Variants in DERL2 observed in about 807,000 individuals in gnomAD.
The protein encoded by DERL2 is derlin-2.
A neutral mutation model predicts 32.0 loss-of-function variants in DERL2; 13 were observed. The observed-to-expected ratio is 0.41, with a 90% confidence interval of 0.26 to 0.65. The LOEUF is 0.65. Ranked by LOEUF, DERL2 falls within the 30% of genes least tolerant of loss-of-function variation. The pLI is 0.35. For missense variants in DERL2, 208 were observed against 296.3 expected (o/e 0.70, Z 2.19); for synonymous variants, 111 against 104.7 (o/e 1.06, Z -0.37).
At chr17:5,480,205 C>T in intron 5 of DERL2, 61 bp from the exon 6 acceptor site, 2 of 1,286,280 alleles carry the variant, frequency 1.6e-6, no homozygotes, top group Non-Finnish European at 2.2e-6. Context: ...GCAGGTAGAC[C>T]TACCAACACA....
rs117294216 is a variant in DERL2, at chr17:5,478,362, G to A, written c.614+1692C>T. 3.5e-3 allele frequency among the ~76,000 whole-genome samples: 528 copies of A among 152,298 alleles called. 3 individuals carry two copies. The highest frequency in any genetic ancestry group is 0.026 in the East Asian group (133 of 5,180). On this transcript the variant is annotated intron_variant, in intron 6 of 6. Coordinates refer to ENST00000158771, the MANE Select transcript of DERL2 (RefSeq NM_016041.5). ...TGCACTCCAGCCTGGGCAATGGAGT[G>A]AGACCTGTACTGCATATGTAATTTC...
At chr17:5,479,974 AG>A in intron 6 of DERL2, 79 bp downstream of exon 6, 1 of 841,958 alleles carries the variant, frequency 1.2e-6, no homozygotes, top group Non-Finnish European at 2.0e-6. Context: ...ACTAGGAGCT[AG>A]GGGAGCCAAA....
intron 1 of DERL2, chr17:5,485,757 T>C (rs1906188523): frequency 3.1e-6 from 1 of 323,086 alleles, no homozygotes; most frequent in Non-Finnish European, 5.6e-6. Flanking sequence ...CTAGTCACCA[T>C]GGTACCACCT....
chr17:5,480,369 T>C lies in DERL2; in HGVS notation c.523+18A>G, dbSNP rs2151705000. 1 of 1,585,798 alleles carries C rather than the reference T, an allele frequency of 6.3e-7. No homozygotes were observed. Among genetic ancestry groups the C allele is most frequent in the South Asian group, 1.2e-5 (1 of 85,534 alleles). On this transcript the variant is annotated intron_variant, in intron 5 of 6. Transcript: ENST00000158771. The stretch of plus-strand genomic sequence containing the variant: ...TTTACAGGTAAAATAATTTAAAAAA[T>C]AGTGAGAAGAGCCTTACCCAAAAGG...
upstream of DERL2, chr17:5,486,181 C>G (rs567038866): frequency 5.0e-6 from 5 of 995,102 alleles, no homozygotes; most frequent in Non-Finnish European, 7.0e-6. Context: ...CGTCGCCTGC[C>G]CCACCCCCCA....
At chr17:5,476,289 AAC>A (rs1238182104) in intron 6 of DERL2, among the ~76,000 whole-genome samples, 1 of 152,226 alleles carries the variant, frequency 6.6e-6, no homozygotes, top group Non-Finnish European at 1.5e-5. Flanking sequence ...TGTATCTGAA[AAC>A]TTCTGATTTA....
At chr17:5,482,761 A>G in intron 3 of DERL2, 48 bp downstream of exon 3, 1 of 1,071,446 alleles carries the variant, frequency 9.3e-7, no homozygotes, top group Non-Finnish European at 1.4e-6. Context: ...TTAATTTTTT[A>G]CTTCCTAAGA....
At chr17:5,486,234 G>A, upstream of DERL2, 2 of 1,362,902 alleles carry the variant, frequency 1.5e-6, no homozygotes, top group Non-Finnish European at 9.9e-7. Flanking sequence ...CGGCGGCGGG[G>A]CGGGCCCAAA....
chr17:5,486,026 T>C (rs1180446831), intron 1 of DERL2, 43 bp downstream of exon 1: 1 of 1,576,466 alleles, frequency 6.3e-7, no homozygotes, highest in Non-Finnish European at 8.7e-7. Context: ...GACCCAGTCA[T>C]ATCCAGCCCA....
chr17:5,482,662 C>G (rs953285180), intron 3 of DERL2, 147 bp downstream of exon 3: 5 of 554,940 alleles, frequency 9.0e-6, no homozygotes, highest in Non-Finnish European at 1.6e-5. Flanking sequence ...CAAAACATTA[C>G]TACCTAAGCA....
At chr17:5,476,116 A>G (rs1265101110) in intron 6 of DERL2, among the ~76,000 whole-genome samples, 3 of 152,214 alleles carry the variant, frequency 2.0e-5, no homozygotes, top group African/African-American at 7.2e-5. Context: ...CCCAAGAAAA[A>G]TTACTGCAGA....
Position 5,481,254 on chromosome 17 carries a change from G to A in DERL2, c.327+42C>T. On this transcript the variant is annotated intron_variant, in intron 4 of 6. Transcript: ENST00000158771. The surrounding 1 kb of genome is among the most constrained non-coding windows in gnomAD (Gnocchi z 4.4). Reference sequence around the variant, plus strand: ...GATGACAAGCTTTAGGAAGAGCCAGGGTGTTCTTCAACATTTTCCCGTGTT... The same window carrying A: ...GATGACAAGCTTTAGGAAGAGCCAGAGTGTTCTTCAACATTTTCCCGTGTT... 7.2e-7 allele frequency: 1 copy of A among 1,380,648 alleles called. No individual in the cohort carries two copies. Among genetic ancestry groups the A allele is most frequent in the Non-Finnish European group, 1.0e-6 (1 of 966,850 alleles). The allele number at this position is 1,380,648 out of a possible 1,614,324, so 85.5% of individuals were successfully genotyped here.
rs769852029 is a variant in DERL2 at position 5,480,475 on chromosome 17, G to A, written c.435C>T (p.Gly145=). Residue 145 remains glycine, a synonymous_variant, in exon 5 of 7, where the codon GGC becomes GGT. Transcript: ENST00000158771. The part of the protein sequence containing the change: ...RNPYVRMNFF[G]LLNFQAPFLP... ...GAAAGGGGGCCTGGAAGTTGAGAAG[G>A]CCGAAGAAGTTCATGCGGACATAGG... 5 of 1,612,770 alleles carry A rather than the reference G, an allele frequency of 3.1e-6. No individual in the cohort carries two copies. The highest frequency in any genetic ancestry group is 1.1e-5 in the South Asian group (1 of 90,818).
rs1905117231 is a variant in DERL2 at position 5,471,291 on chromosome 17, C to T, written c.*3393G>A. The T allele has an allele frequency of 6.6e-6, 1 of 152,240 alleles. No individual in the cohort carries two copies. Among genetic ancestry groups the T allele is most frequent in the African/African-American group, 2.4e-5 (1 of 41,456 alleles). 9.4% of individuals were successfully genotyped at this position (152,240 alleles called of 1,614,324 possible). The stretch of plus-strand genomic sequence containing the variant: ...TAAACAAAGGTATTTATTCAGCACC[C>T]ATGTGCCAAGCACTGTGCTAGGCAC... On this transcript the variant is annotated 3_prime_UTR_variant, in exon 7 of 7. Coordinates refer to ENST00000158771, the MANE Select transcript of DERL2 (RefSeq NM_016041.5).
rs1905667642 is a variant in DERL2 at position 5,480,061 on chromosome 17, A to G, written c.607T>C (p.Ser203Pro). Reference protein sequence around the residue: ...PGGIRILKTPSILKAIFDTPD... With the variant: ...PGGIRILKTPPILKAIFDTPD... Reference sequence around the variant, plus strand: ...CTGGTGTTAAATACTCACAAAATAGATGGTGTTTTCAGAATTCTTATTCCA... The same window carrying G: ...CTGGTGTTAAATACTCACAAAATAGGTGGTGTTTTCAGAATTCTTATTCCA... Residue 203 changes from serine (S) to proline (P), a missense_variant, in exon 6 of 7, where the codon TCT becomes CCT. Physicochemically the swap from Ser to Pro is moderately conservative, Grantham distance 74 (BLOSUM62 -1). Around this residue, in one of 3 missense-constraint regions of DERL2, gnomAD observed 124 missense variants for 215.3 expected, o/e 0.58. Transcript: ENST00000158771. The G allele has an allele frequency of 6.3e-7, 1 of 1,593,392 alleles. No individual in the cohort carries two copies. Among genetic ancestry groups the G allele is most frequent in the Non-Finnish European group, 8.6e-7 (1 of 1,162,806 alleles).
In DERL2 at chr17:5,481,313, C is replaced by T; in HGVS notation, c.310G>A (p.Gly104Ser). The change falls in exon 4 of 7, where the codon GGT becomes AGT. Residue 104 changes from glycine (G) to serine (S), a missense_variant. Gly to Ser is a moderately conservative substitution (Grantham distance 56). This residue lies in a region of DERL2 where 124 missense variants were observed against 215.3 expected (regional missense o/e 0.58). Coordinates refer to ENST00000158771, the MANE Select transcript of DERL2 (RefSeq NM_016041.5). This position sits in a 1 kb window ranked among gnomAD's most constrained non-coding sequence, Gnocchi z 4.4. The part of the protein sequence containing the change: ...TADFVFMFLF[G>S]GFLMTLFGLF... ...AAGGATACGGTCATTAAGAATCCACCAAAAAGGAACATAAATACAAAGTCT... is the reference window on the plus strand; with the variant it reads ...AAGGATACGGTCATTAAGAATCCACTAAAAAGGAACATAAATACAAAGTCT... 1 of 1,613,756 alleles carries T rather than the reference C, an allele frequency of 6.2e-7. No homozygotes were observed. The highest frequency in any genetic ancestry group is 2.2e-5 in the East Asian group (1 of 44,864).
upstream of DERL2, chr17:5,486,290 C>A: frequency 2.9e-6 from 2 of 684,596 alleles, no homozygotes; most frequent in Non-Finnish European, 4.8e-6. Flanking sequence ...CAATCAACGC[C>A]AAGCAACCGC....
At chr17:5,476,784 A>C (rs1286022931) in intron 6 of DERL2, among the ~76,000 whole-genome samples, 1 of 152,208 alleles carries the variant, frequency 6.6e-6, no homozygotes, top group Non-Finnish European at 1.5e-5. Flanking sequence ...CCGTTTCAAA[A>C]AACAGCAACG....
rs531325684 is a variant in DERL2, at chr17:5,481,468, T to C, written c.234-79A>G. On this transcript the variant is annotated intron_variant, in intron 3 of 6. Coordinates refer to ENST00000158771, the MANE Select transcript of DERL2 (RefSeq NM_016041.5). This position sits in a 1 kb window ranked among gnomAD's most constrained non-coding sequence, Gnocchi z 4.4. The stretch of plus-strand genomic sequence containing the variant: ...ATTTAATGTTATCTTGTAAGTACAC[T>C]TGGATTCCATATTATTTGTAATTAG... The C allele has an allele frequency of 1.5e-4, 140 of 937,398 alleles. 1 individual carries two copies. The African/African-American group carries it at 1.9e-3, about 13-fold the overall frequency. The allele number at this position is 937,398 out of a possible 1,614,324, so 58.1% of individuals were successfully genotyped here.
Sources: gnomAD v4.1 joint callset for allele counts (sites outside exome capture counted in the v4.1 genomes callset) on GRCh38, gnomAD v4.1.1 for gene constraint, gnomAD v4.1.1 regional missense constraint, Gnocchi (gnomAD v3.1) non-coding constraint, MANE v1.5 for transcripts, NCBI Gene and HGNC (gene_info 2026-07-23, HGNC 2026-07-21) for gene names.